The following RPTOR variants were observed in gnomAD, a reference collection of about 807,000 sequenced individuals.
RPTOR encodes regulatory-associated protein of mTOR.
RPTOR carries 21 observed loss-of-function variants against 169.9 expected under a neutral mutation model. The observed-to-expected ratio is 0.12, with a 90% confidence interval of 0.09 to 0.18. RPTOR has a LOEUF of 0.18. Among genes scored for constraint, RPTOR ranks in the 10% least tolerant of loss-of-function variants. RPTOR has a pLI of 1.00. For missense variants in RPTOR, 1,133 were observed against 1,855.9 expected, an observed-to-expected ratio of 0.61 and a Z score of 7.16; for synonymous variants, 732 against 753.2, an observed-to-expected ratio of 0.97 and a Z score of 0.46.
At chr17:80,821,994 G>A (rs1363999655) in intron 7 of RPTOR, among the ~76,000 whole-genome samples, 3 of 152,342 alleles carry the variant, frequency 2.0e-5, no homozygotes, top group African/African-American at 7.2e-5. Context: ...GTGCGGGAAG[G>A]AGGAAAGCTG....
intron 28 of RPTOR, among the ~76,000 whole-genome samples, chr17:80,952,543 C>A (rs1046238025): frequency 6.6e-6 from 1 of 152,242 alleles, no homozygotes; most frequent in African/African-American, 2.4e-5. Context: ...TTGGGCACAC[C>A]CAGCTCAGGC....
At chr17:80,686,851 G>C (rs1048344449) in intron 3 of RPTOR, among the ~76,000 whole-genome samples, 6 of 152,286 alleles carry the variant, frequency 3.9e-5, no homozygotes, top group African/African-American at 1.4e-4. Context: ...ACCCTTCCAT[G>C]AAATTTATTT....
At chr17:80,709,576 C>T (rs1233335549) in intron 4 of RPTOR, among the ~76,000 whole-genome samples, 1 of 152,260 alleles carries the variant, frequency 6.6e-6, no homozygotes, top group Non-Finnish European at 1.5e-5. Flanking sequence ...ATTCGCTGTC[C>T]CCTGCCGGGA....
chr17:80,851,435 G>A (rs1230227611), intron 11 of RPTOR, among the ~76,000 whole-genome samples: 1 of 152,026 alleles, frequency 6.6e-6, no homozygotes, highest in Non-Finnish European at 1.5e-5. Flanking sequence ...TTTGCTTTAT[G>A]TTGGCTTCAG....
intron 21 of RPTOR, among the ~76,000 whole-genome samples, chr17:80,920,264 A>G (rs949324677): frequency 4.6e-5 from 7 of 152,222 alleles, no homozygotes; most frequent in African/African-American, 1.7e-4. Flanking sequence ...CCCCACACCC[A>G]GCGCAATCAA....
chr17:80,834,037 G>A (rs1052281244), intron 9 of RPTOR, among the ~76,000 whole-genome samples: 63 of 152,216 alleles, frequency 4.1e-4, no homozygotes, highest in African/African-American at 1.3e-3. Flanking sequence ...AGAATTTAAT[G>A]GGTAATCTGG....
At chr17:80,799,036 C>T (rs2067129647) in intron 7 of RPTOR, among the ~76,000 whole-genome samples, 1 of 152,212 alleles carries the variant, frequency 6.6e-6, no homozygotes, top group South Asian at 2.1e-4. Flanking sequence ...GAAGCGTTTG[C>T]ATTGCTGCCC....
chr17:80,631,871 C>T (rs1245255611), intron 2 of RPTOR, among the ~76,000 whole-genome samples: 1 of 152,072 alleles, frequency 6.6e-6, no homozygotes, highest in Non-Finnish European at 1.5e-5. Flanking sequence ...CTTGGGAGGT[C>T]GAGGCTGCAA....
At chr17:80,743,140 C>T (rs2066501426) in intron 5 of RPTOR, 1 of 766,616 alleles carries the variant, frequency 1.3e-6, no homozygotes, top group Non-Finnish European at 1.6e-6. Flanking sequence ...TCCAGCTTTC[C>T]CTCTCCTCCT....
intron 1 of RPTOR, among the ~76,000 whole-genome samples, chr17:80,618,543 G>A (rs2065330734): frequency 6.6e-6 from 1 of 152,164 alleles, no homozygotes; most frequent in Non-Finnish European, 1.5e-5. Flanking sequence ...GGTCGCCGTG[G>A]GCGAGGCCTC....
chr17:80,779,587 C>T lies in RPTOR; in HGVS notation c.831-11863C>T, dbSNP rs919955587. Among the ~76,000 whole-genome samples, 9 of 152,260 alleles carry T rather than the reference C, an allele frequency of 5.9e-5. No individual in the cohort carries two copies. In the East Asian group the frequency reaches 9.7e-4, roughly 16 times the overall value. On this transcript the variant is annotated intron_variant, in intron 6 of 33. Coordinates refer to ENST00000306801, the MANE Select transcript of RPTOR (RefSeq NM_020761.3). ...TCCGTGACCGCAGGCACTGCCCCTC[C>T]GACACAGTGGGGTTCATCTGCTTGC... is the stretch of plus-strand genomic sequence containing the variant.
rs1337821810 is a variant in RPTOR, at chr17:80,562,993, G to C, written c.162+17202G>C. ...TCATGTTGGCACATGTGGCTTCATC[G>C]GGTGGGCTACCATCCTGCATCAATA... On this transcript the variant is annotated intron_variant, in intron 1 of 33. Transcript: ENST00000306801. The surrounding 1 kb of genome is among the most constrained non-coding windows in gnomAD (Gnocchi z 4.4). Among the ~76,000 whole-genome samples, 1 of 152,144 alleles carries C rather than the reference G, an allele frequency of 6.6e-6. No individual in the cohort carries two copies. The highest frequency in any genetic ancestry group is 1.5e-5 in the Non-Finnish European group (1 of 68,036).
intron 3 of RPTOR, among the ~76,000 whole-genome samples, chr17:80,647,308 G>A (rs2065603852): frequency 1.3e-5 from 2 of 152,228 alleles, no homozygotes; most frequent in African/African-American, 4.8e-5. Context: ...AAATTCTGCA[G>A]TAAAACCTCA....
rs929175552 is a variant in RPTOR at position 80,820,388 on chromosome 17, C to G, written c.891-1813C>G. 6.6e-6 allele frequency among the ~76,000 whole-genome samples: 1 copy of G among 152,220 alleles called. No individual in the cohort carries two copies. Among genetic ancestry groups the G allele is most frequent in the Non-Finnish European group, 1.5e-5 (1 of 68,040 alleles). ...GCTCCATGTCCACCCCACGATGCCC[C>G]CCGTGCCCCTTCTCCGTGCTGTTTC... On this transcript the variant is annotated intron_variant, in intron 7 of 33. Transcript: ENST00000306801. This position sits in a 1 kb window ranked among gnomAD's most constrained non-coding sequence, Gnocchi z 4.1.
At chr17:80,626,577 G>A (rs1359345736) in intron 2 of RPTOR, among the ~76,000 whole-genome samples, 1 of 152,006 alleles carries the variant, frequency 6.6e-6, no homozygotes, top group Non-Finnish European at 1.5e-5. Context: ...ACTTTACAAT[G>A]CTCACAACAA....
At chr17:80,590,195 C>T (rs2065093067) in intron 1 of RPTOR, among the ~76,000 whole-genome samples, 1 of 151,864 alleles carries the variant, frequency 6.6e-6, no homozygotes, top group Admixed American at 6.6e-5. Flanking sequence ...CAGGTATGCG[C>T]ACATGCGTGC....
At chr17:80,623,682 C>T (rs1001800609) in intron 1 of RPTOR, among the ~76,000 whole-genome samples, 1 of 151,692 alleles carries the variant, frequency 6.6e-6, no homozygotes, top group Non-Finnish European at 1.5e-5. Flanking sequence ...ATTACAGGTG[C>T]ACACCACCAC....
At chr17:80,863,818 G>C (rs1015618311) in intron 13 of RPTOR, among the ~76,000 whole-genome samples, 2 of 152,220 alleles carry the variant, frequency 1.3e-5, no homozygotes, top group Middle Eastern at 3.2e-3. Flanking sequence ...CATTCAGAAG[G>C]CTGAGGCGGG....
At chr17:80,822,396 G>A in intron 8 of RPTOR, 95 bp downstream of exon 8, 1 of 1,215,824 alleles carries the variant, frequency 8.2e-7, no homozygotes, top group Admixed American at 1.7e-5. Flanking sequence ...TAGGATCCGT[G>A]AGTGCCTCCC....
Sources: allele counts gnomAD v4.1 joint callset (sites outside exome capture counted in the v4.1 genomes callset), GRCh38; gene constraint gnomAD v4.1.1; non-coding constraint Gnocchi (gnomAD v3.1); transcripts MANE v1.5; gene names NCBI Gene and HGNC (gene_info 2026-07-23, HGNC 2026-07-21).